The following NTN4 variants were observed in gnomAD, a reference collection of about 807,000 sequenced individuals.
NTN4 encodes netrin-4.
NTN4 carries 32 observed loss-of-function variants against 73.6 expected under a neutral mutation model. The ratio of observed to expected loss-of-function variants is 0.44; its 90% CI spans 0.33 to 0.58. The LOEUF (loss-of-function observed/expected upper bound fraction) is 0.58, where lower values mean the gene tolerates loss of function less well. NTN4 is among the 20% of genes least tolerant of loss of function. NTN4 has a pLI of 0.04. For synonymous variants in NTN4, 258 were observed against 287.5 expected, an observed-to-expected ratio of 0.90 and a Z score of 1.04; for missense variants, 654 against 798.3, an observed-to-expected ratio of 0.82 and a Z score of 2.18.
At chr12:95,727,148 TG>T (rs2078701077) in intron 3 of NTN4, among the ~76,000 whole-genome samples, 1 of 152,220 alleles carries the variant, frequency 6.6e-6, no homozygotes, top group African/African-American at 2.4e-5. Flanking sequence ...AATATCGTTT[TG>T]ATTTGCATCT....
At chr12:95,764,991 G>A (rs1319403834) in intron 2 of NTN4, among the ~76,000 whole-genome samples, 1 of 152,182 alleles carries the variant, frequency 6.6e-6, no homozygotes, top group Non-Finnish European at 1.5e-5. Context: ...AATCTAACTT[G>A]TTCACTCACT....
In NTN4 at chr12:95,682,822, G is replaced by A; in HGVS notation, c.1395C>T (p.Ser465=). ...CATGATACCAGTCTATGTCTGTGTG[G>A]CTAACAAAATAGAACATGATAAAGA... ...CDPITGDCIS[S]HTDIDWYHEV... The change falls in exon 7 of 10, where the codon AGC becomes AGT. Residue 465 remains serine, a splice_region_variant and synonymous_variant. Transcript: ENST00000343702. The A allele has an allele frequency of 6.3e-7, 1 of 1,585,408 alleles. No homozygotes were observed. The highest frequency in any genetic ancestry group is 1.7e-5 in the Admixed American group (1 of 59,438).
intron 3 of NTN4, among the ~76,000 whole-genome samples, chr12:95,729,632 A>AGTGT (rs758891542): frequency 0.012 from 1,546 of 124,100 alleles, 13 homozygotes; most frequent in East Asian, 0.05. Flanking sequence ...AGAGAGAGAG[A>AGTGT]GTGTGTGTGT....
At chr12:95,732,604 T>A (rs2078746756) in intron 3 of NTN4, among the ~76,000 whole-genome samples, 1 of 152,032 alleles carries the variant, frequency 6.6e-6, no homozygotes, top group African/African-American at 2.4e-5. Context: ...GGTTTTACCG[T>A]GTTGGCCGGG....
rs117919135 is a variant in NTN4 at position 95,734,540 on chromosome 12, G to C, written c.864+3326C>G. Among the ~76,000 whole-genome samples the C allele has an allele frequency of 4.7e-4, 72 of 152,308 alleles. No individual in the cohort carries two copies. The East Asian group carries it at 0.012, about 26-fold the overall frequency. ...GCACATACCTATGATAAGCTGACCT[G>C]CAAAAGAACAGCATTTCTTAAGAAG... On this transcript the variant is annotated intron_variant, in intron 3 of 9. Coordinates refer to ENST00000343702, the MANE Select transcript of NTN4 (RefSeq NM_021229.4).
chr12:95,729,632 A>AGAGTGTGTGTGTGTGTGT (rs1555218229), intron 3 of NTN4, among the ~76,000 whole-genome samples: 1 of 124,088 alleles, frequency 8.1e-6, no homozygotes, highest in African/African-American at 2.9e-5. Context: ...AGAGAGAGAG[A>AGAGTGTGTGTGTGTGTGT]GTGTGTGTGT....
chr12:95,696,213 CT>C (rs946527528), intron 5 of NTN4, among the ~76,000 whole-genome samples: 12 of 151,026 alleles, frequency 7.9e-5, no homozygotes, highest in Middle Eastern at 3.4e-3. Context: ...TCATGCTCCC[CT>C]TTTTTTTTCA....
chr12:95,672,661 T>C (rs2078242213), intron 7 of NTN4: 2 of 1,492,074 alleles, frequency 1.3e-6, no homozygotes, highest in Non-Finnish European at 9.3e-7. Flanking sequence ...GGTGCTCCTA[T>C]GATGTCCCAC....
At chr12:95,714,412 G>A (rs1175549687) in intron 3 of NTN4, among the ~76,000 whole-genome samples, 1 of 152,102 alleles carries the variant, frequency 6.6e-6, no homozygotes, top group Non-Finnish European at 1.5e-5. Flanking sequence ...GAGAAACAGT[G>A]TTAAAGGTAA....
intron 3 of NTN4, among the ~76,000 whole-genome samples, chr12:95,731,110 G>C (rs1378749371): frequency 6.6e-6 from 1 of 152,136 alleles, no homozygotes; most frequent in Non-Finnish European, 1.5e-5. Context: ...TCCCTTTGGA[G>C]CCATTTCACT....
Position 95,707,252 on chromosome 12 carries a change from A to T in NTN4, c.1180+3189T>A, listed in dbSNP as rs183767152. Among the ~76,000 whole-genome samples, 199 of 151,368 alleles carry T rather than the reference A, an allele frequency of 1.3e-3. 2 individuals carry two copies. The highest frequency in any genetic ancestry group is 2.1e-3 in the Non-Finnish European group (140 of 67,770). ...ATTAGATTTTCTCCCCTCCCCAGTC[A>T]CCTCTCTAGTCTCATCTCCTGACAC... is the stretch of plus-strand genomic sequence containing the variant. On this transcript the variant is annotated intron_variant, in intron 5 of 9. Coordinates refer to ENST00000343702, the MANE Select transcript of NTN4 (RefSeq NM_021229.4).
Position 95,658,647 on chromosome 12 carries a change from A to G in NTN4, c.*439T>C, listed in dbSNP as rs1206546754. Reference sequence around the variant, plus strand: ...CTACAGACCAAAGTTCATGCGTAACACACAAGAGAAGGCTCTTTAACAAAC... The same window carrying G: ...CTACAGACCAAAGTTCATGCGTAACGCACAAGAGAAGGCTCTTTAACAAAC... On this transcript the variant is annotated 3_prime_UTR_variant, in exon 10 of 10. Coordinates refer to ENST00000343702, the MANE Select transcript of NTN4 (RefSeq NM_021229.4). 6.5e-6 allele frequency: 1 copy of G among 153,552 alleles called. No individual in the cohort carries two copies. Among genetic ancestry groups the G allele is most frequent in the African/African-American group, 2.4e-5 (1 of 41,476 alleles). The allele number at this position is 153,552 out of a possible 1,614,324, so 9.5% of individuals were successfully genotyped here.
chr12:95,759,212 C>A (rs1368421686), intron 2 of NTN4, among the ~76,000 whole-genome samples: 1 of 152,042 alleles, frequency 6.6e-6, no homozygotes, highest in African/African-American at 2.4e-5. Context: ...GTTTACTGAG[C>A]TTCTTAGATC....
intron 2 of NTN4, among the ~76,000 whole-genome samples, chr12:95,769,320 G>A (rs758915423): frequency 6.6e-6 from 1 of 152,132 alleles, no homozygotes; most frequent in African/African-American, 2.4e-5. Context: ...GAAAATCATG[G>A]GGGCAAGCTA....
chr12:95,696,022 ACTTC>A (rs545336707), intron 5 of NTN4, among the ~76,000 whole-genome samples: 2 of 102,028 alleles, frequency 2.0e-5, no homozygotes, highest in African/African-American at 4.0e-5. Context: ...TCCCATACTC[ACTTC>A]CTTCCTTCCT....
intron 2 of NTN4, among the ~76,000 whole-genome samples, chr12:95,767,726 C>A (rs2079029655): frequency 6.6e-6 from 1 of 152,202 alleles, no homozygotes; most frequent in South Asian, 2.1e-4. Flanking sequence ...CTAAGCAACG[C>A]CCCCCCTCCA....
chr12:95,720,556 T>C (rs932490215), intron 3 of NTN4, among the ~76,000 whole-genome samples: 2 of 152,072 alleles, frequency 1.3e-5, no homozygotes, highest in African/African-American at 4.8e-5. Flanking sequence ...TCAGGGAATA[T>C]ATATATTATG....
At chr12:95,727,361 T>C (rs144838278) in intron 3 of NTN4, among the ~76,000 whole-genome samples, 1 of 152,338 alleles carries the variant, frequency 6.6e-6, no homozygotes, top group Non-Finnish European at 1.5e-5. Context: ...TGAAAGTATT[T>C]ACTCCCATTC....
chr12:95,779,691 T>C (rs2079118799), intron 2 of NTN4, among the ~76,000 whole-genome samples: 1 of 152,094 alleles, frequency 6.6e-6, no homozygotes, highest in South Asian at 2.1e-4. Flanking sequence ...TCCATGCTCA[T>C]GGGTAGGAAG....
Sources: allele counts gnomAD v4.1 joint callset (sites outside exome capture counted in the v4.1 genomes callset), GRCh38; gene constraint gnomAD v4.1.1; transcripts MANE v1.5; gene names NCBI Gene and HGNC (gene_info 2026-07-23, HGNC 2026-07-21).